Variants in CCSER1 observed in about 807,000 individuals in gnomAD.
CCSER1 encodes serine-rich coiled-coil domain-containing protein 1.
Under a neutral mutation model 82.0 loss-of-function variants are expected in CCSER1, and 41 were observed. The ratio of observed to expected loss-of-function variants is 0.50; its 90% CI spans 0.39 to 0.65. CCSER1 has a LOEUF of 0.65. CCSER1 is among the 30% of genes least tolerant of loss of function. The pLI is 0.00. For synonymous variants in CCSER1, 414 were observed against 383.9 expected (o/e 1.08, Z -0.92); for missense variants, 1,119 against 1,064.2 (o/e 1.05, Z -0.72).
At chr4:90,142,985 A>T (rs1725084002) in intron 1 of CCSER1, among the ~76,000 whole-genome samples, 1 of 152,198 alleles carries the variant, frequency 6.6e-6, no homozygotes, top group African/African-American at 2.4e-5. Context: ...TTTACATGAA[A>T]TCACTTAATT....
At chr4:90,559,729 G>A (rs958003810) in intron 5 of CCSER1, among the ~76,000 whole-genome samples, 10 of 146,296 alleles carry the variant, frequency 6.8e-5, no homozygotes, top group African/African-American at 2.5e-4. Context: ...AGAATGGCGT[G>A]AACCTGGGAG....
intron 9 of CCSER1, among the ~76,000 whole-genome samples, chr4:90,977,570 G>T (rs1157878368): frequency 2.0e-5 from 3 of 151,454 alleles, no homozygotes; most frequent in South Asian, 2.1e-4. Flanking sequence ...TCATATATGT[G>T]AATGAATAGG....
chr4:90,769,141 A>G (rs530270082), intron 7 of CCSER1, among the ~76,000 whole-genome samples: 5 of 152,196 alleles, frequency 3.3e-5, no homozygotes, highest in Non-Finnish European at 7.3e-5. Flanking sequence ...TATAGCTTCT[A>G]GAAAGTTTAA....
At chr4:90,411,198 A>G (rs1754718802) in intron 4 of CCSER1, among the ~76,000 whole-genome samples, 1 of 152,148 alleles carries the variant, frequency 6.6e-6, no homozygotes, top group Non-Finnish European at 1.5e-5. Flanking sequence ...CAGAGGTACA[A>G]GGAGGAGCTG....
intron 1 of CCSER1, among the ~76,000 whole-genome samples, chr4:90,129,943 A>G (rs563800038): frequency 2.6e-5 from 4 of 152,226 alleles, no homozygotes; most frequent in Admixed American, 6.5e-5. Flanking sequence ...AATGTAATTG[A>G]TGAACTGTAT....
chr4:91,557,104 T>C (rs1762442368), intron 10 of CCSER1, among the ~76,000 whole-genome samples: 1 of 148,098 alleles, frequency 6.8e-6, no homozygotes, highest in Non-Finnish European at 1.5e-5. Context: ...TTGAAATTCT[T>C]TCTTGACTCA....
intron 9 of CCSER1, among the ~76,000 whole-genome samples, chr4:90,925,234 C>T (rs185481271): frequency 2.0e-5 from 3 of 152,244 alleles, no homozygotes; most frequent in African/African-American, 7.2e-5. Flanking sequence ...AATCCACTTA[C>T]TTCAAGCCCC....
chr4:91,143,951 CTT>C, intron 10 of CCSER1, among the ~76,000 whole-genome samples: 1 of 151,838 alleles, frequency 6.6e-6, no homozygotes. Context: ...TTTATTGTGT[CTT>C]TGTCAGATTT....
rs139716746 is a variant in CCSER1, at chr4:90,727,230, A to C, written c.2010+3239A>C. 2.4e-5 allele frequency: 11 copies of C among 456,118 alleles called. No individual in the cohort carries two copies. The East Asian group carries it at 3.5e-4, about 14-fold the overall frequency. The allele number at this position is 456,118 out of a possible 1,614,324, so 28.3% of individuals were successfully genotyped here. A position where few individuals can be genotyped will look rare whatever the true frequency, so the allele number is the denominator to read the frequency against. The stretch of plus-strand genomic sequence containing the variant: ...ATATTCAGCATTATATCAACTGTAC[A>C]CACATATGGTCTGACACATGCCACT... On this transcript the variant is annotated intron_variant, in intron 7 of 10. Transcript: ENST00000509176.
rs552700209 is a variant in CCSER1 at position 91,387,729 on chromosome 4, T to TA, written c.2218-210836dup. 2.6e-4 allele frequency among the ~76,000 whole-genome samples: 39 copies of TA among 148,200 alleles called. 1 individual carries two copies. The highest frequency in any genetic ancestry group is 2.6e-3 in the South Asian group (12 of 4,630). On this transcript the variant is annotated intron_variant, in intron 10 of 10. Transcript: ENST00000509176. The stretch of plus-strand genomic sequence containing the variant: ...GGGGAACAAGGAGTTAACTAAATGA[T>TA]AAAAAAATGATAAGACAGATAAGAG...
chr4:90,468,536 T>C (rs1763934073), intron 5 of CCSER1, 182 bp downstream of exon 5: 1 of 520,852 alleles, frequency 1.9e-6, no homozygotes, highest in South Asian at 3.6e-5. Context: ...CCTAACTTCA[T>C]GTCTTTGAAC....
At chr4:90,145,878 A>G (rs1450714538) in intron 1 of CCSER1, among the ~76,000 whole-genome samples, 3 of 152,080 alleles carry the variant, frequency 2.0e-5, no homozygotes, top group South Asian at 2.1e-4. Context: ...ATGCTGATCT[A>G]TGCACTCATA....
chr4:90,344,357 T>C (rs1461740), intron 3 of CCSER1, among the ~76,000 whole-genome samples: 99,833 of 152,070 alleles, frequency 0.66, 34,277 homozygotes, highest in African/African-American at 0.86. Flanking sequence ...AGTCTTCTCC[T>C]AAAGTGCTGT....
intron 10 of CCSER1, among the ~76,000 whole-genome samples, chr4:91,322,692 A>G (rs902542682): frequency 2.0e-5 from 3 of 152,164 alleles, no homozygotes; most frequent in African/African-American, 7.2e-5. Context: ...GTGTCTAACC[A>G]TTATTCACAA....
intron 8 of CCSER1, among the ~76,000 whole-genome samples, chr4:90,845,512 A>T (rs2149897186): frequency 6.6e-6 from 1 of 152,106 alleles, no homozygotes; most frequent in East Asian, 1.9e-4. Flanking sequence ...TAAAATATTG[A>T]CACTGGCCTT....
At chr4:91,488,804 C>T (rs1265890894) in intron 10 of CCSER1, among the ~76,000 whole-genome samples, 1 of 152,084 alleles carries the variant, frequency 6.6e-6, no homozygotes, top group Non-Finnish European at 1.5e-5. Flanking sequence ...TATAGCAGTG[C>T]TAGAATGAAC....
chr4:91,113,707 T>C (rs1334032881), intron 10 of CCSER1, among the ~76,000 whole-genome samples: 2 of 152,240 alleles, frequency 1.3e-5, no homozygotes, highest in Non-Finnish European at 2.9e-5. Context: ...AGTGACTTTG[T>C]TTCTATAAGC....
chr4:91,583,562 A>C (rs1462389829), intron 10 of CCSER1, among the ~76,000 whole-genome samples: 1 of 151,460 alleles, frequency 6.6e-6, no homozygotes, highest in Non-Finnish European at 1.5e-5. Context: ...GTTCCTTGAC[A>C]TTTGAAAATA....
At chr4:90,325,645 G>A (rs1159129563) in intron 3 of CCSER1, 3 of 450,150 alleles carry the variant, frequency 6.7e-6, no homozygotes, top group Non-Finnish European at 1.3e-5. Flanking sequence ...ACAATTTGCA[G>A]CACAGAATTG....
Sources: allele counts gnomAD v4.1 joint callset (sites outside exome capture counted in the v4.1 genomes callset), GRCh38; gene constraint gnomAD v4.1.1; transcripts MANE v1.5; gene names NCBI Gene and HGNC (gene_info 2026-07-23, HGNC 2026-07-21).